Variants in SNX29 observed in about 807,000 individuals in gnomAD.
SNX29 encodes sorting nexin 29.
Under a neutral mutation model 102.1 loss-of-function variants are expected in SNX29, and 78 were observed. The ratio of observed to expected loss-of-function variants is 0.76; its 90% CI spans 0.64 to 0.92. SNX29 has a LOEUF of 0.92. Ranked by LOEUF, SNX29 falls within the 40% of genes least tolerant of loss-of-function variation. The pLI is 0.00. For synonymous variants in SNX29, 580 were observed against 414.5 expected (o/e 1.40, Z -4.85); for missense variants, 1,280 against 1,061.7 (o/e 1.21, Z -2.86).
intron 10 of SNX29, among the ~76,000 whole-genome samples, chr16:12,077,885 T>A (rs2051658761): frequency 6.6e-6 from 1 of 152,200 alleles, no homozygotes; most frequent in Admixed American, 6.5e-5. Context: ...CCTCCCAAAG[T>A]ATTGCGATTA....
rs755934938 is a variant in SNX29, at chr16:12,069,045, C to G, written c.1244-12C>G. On this transcript the variant is annotated splice_polypyrimidine_tract_variant and intron_variant, in intron 9 of 20. Transcript: ENST00000566228. ...AAAGTGACCTCTTTCTGTGATTGCTCTCTCTGCACAGATGCCCCCCTCGGA... is the reference window on the plus strand; with the variant it reads ...AAAGTGACCTCTTTCTGTGATTGCTGTCTCTGCACAGATGCCCCCCTCGGA... 3 of 1,613,290 alleles carry G rather than the reference C, an allele frequency of 1.9e-6. No homozygotes were observed. The highest frequency in any genetic ancestry group is 2.2e-5 in the East Asian group (1 of 44,872).
chr16:12,125,611 T>C (rs1483915017), intron 11 of SNX29, among the ~76,000 whole-genome samples: 1 of 32,684 alleles, frequency 3.1e-5, no homozygotes, highest in Non-Finnish European at 4.7e-5. Context: ...CTCTCTTTTT[T>C]TTTTTTTTTT....
intron 19 of SNX29, among the ~76,000 whole-genome samples, chr16:12,488,647 C>A (rs2088376851): frequency 6.6e-6 from 1 of 152,192 alleles, no homozygotes; most frequent in Non-Finnish European, 1.5e-5. Context: ...TCCTATGTCC[C>A]TTCACTTCCA....
At chr16:12,510,564 T>C (rs931737559) in intron 19 of SNX29, among the ~76,000 whole-genome samples, 5 of 151,994 alleles carry the variant, frequency 3.3e-5, no homozygotes, top group African/African-American at 1.2e-4. Flanking sequence ...TCCCAGCTAC[T>C]TGGGAGGTTG....
intron 13 of SNX29, among the ~76,000 whole-genome samples, chr16:12,156,212 C>T (rs1431866242): frequency 2.0e-5 from 3 of 152,136 alleles, no homozygotes; most frequent in Admixed American, 1.3e-4. Flanking sequence ...CTTGCTCTGT[C>T]GCCCAGGCTG....
At position 12,570,085 on chromosome 16, in the gene SNX29, G is replaced by C. The variant is rs892844129; in HGVS notation, c.*1456G>C. On this transcript the variant is annotated 3_prime_UTR_variant, in exon 21 of 21. Transcript: ENST00000566228. Reference sequence around the variant, plus strand: ...GAGAATCATCTGGAAGGTTTATACTGTGCCTTCCCCTCGTAGCAAAAAGGA... The same window carrying C: ...GAGAATCATCTGGAAGGTTTATACTCTGCCTTCCCCTCGTAGCAAAAAGGA... 1.7e-5 allele frequency: 14 copies of C among 810,526 alleles called. No individual in the cohort carries two copies. Among genetic ancestry groups the C allele is most frequent in the Non-Finnish European group, 2.2e-5 (14 of 647,342 alleles). 50.2% of individuals were successfully genotyped at this position (810,526 alleles called of 1,614,324 possible).
At chr16:12,057,332 G>C (rs1004184077) in intron 8 of SNX29, among the ~76,000 whole-genome samples, 1 of 152,164 alleles carries the variant, frequency 6.6e-6, no homozygotes, top group African/African-American at 2.4e-5. Context: ...GAAAGATCTT[G>C]CTGTCAGTGA....
chr16:12,400,738 A>G (rs986759295), intron 17 of SNX29, among the ~76,000 whole-genome samples: 17 of 152,238 alleles, frequency 1.1e-4, no homozygotes, highest in African/African-American at 3.1e-4. Context: ...AAGCTTCAGA[A>G]CATGTGATGT....
At chr16:12,204,272 C>T (rs1032853113) in intron 14 of SNX29, among the ~76,000 whole-genome samples, 1 of 152,206 alleles carries the variant, frequency 6.6e-6, no homozygotes, top group Non-Finnish European at 1.5e-5. Context: ...CCAGCCTCCC[C>T]TGCTCCTGTT....
intron 15 of SNX29, among the ~76,000 whole-genome samples, chr16:12,313,805 T>C (rs2080643325): frequency 6.6e-6 from 1 of 152,202 alleles, no homozygotes; most frequent in Non-Finnish European, 1.5e-5. Flanking sequence ...ATCAGTAAAT[T>C]AGAGCCAATC....
chr16:12,071,007 T>A (rs1405246758), intron 10 of SNX29, among the ~76,000 whole-genome samples: 1 of 152,014 alleles, frequency 6.6e-6, no homozygotes, highest in Non-Finnish European at 1.5e-5. Context: ...TTTGCCCACT[T>A]TTTGATGGGG....
intron 17 of SNX29, among the ~76,000 whole-genome samples, chr16:12,398,884 T>G (rs1411090381): frequency 6.6e-6 from 1 of 152,198 alleles, no homozygotes; most frequent in Non-Finnish European, 1.5e-5. Context: ...TGACCACAGT[T>G]CCCGCTCTTT....
intron 1 of SNX29, among the ~76,000 whole-genome samples, chr16:11,995,730 A>C (rs557874169): frequency 2.0e-5 from 3 of 152,046 alleles, no homozygotes; most frequent in African/African-American, 4.8e-5. Flanking sequence ...CAGGTGTGAA[A>C]GGAGCCGGCA....
intron 20 of SNX29, among the ~76,000 whole-genome samples, chr16:12,533,402 G>C (rs2076983936): frequency 6.6e-6 from 1 of 152,102 alleles, no homozygotes; most frequent in Non-Finnish European, 1.5e-5. Context: ...CCCCTTTTGT[G>C]ATGTGTTGAT....
chr16:12,332,217 G>A (rs1311434387), intron 15 of SNX29, among the ~76,000 whole-genome samples: 1 of 152,160 alleles, frequency 6.6e-6, no homozygotes, highest in Non-Finnish European at 1.5e-5. Flanking sequence ...AGCCAGGTGT[G>A]CGTGCGGTGT....
chr16:12,195,169 G>C (rs910018287), intron 13 of SNX29, among the ~76,000 whole-genome samples: 6 of 152,156 alleles, frequency 3.9e-5, no homozygotes, highest in African/African-American at 1.2e-4. Flanking sequence ...ATATGTGTGT[G>C]TGTGTATATA....
intron 3 of SNX29, among the ~76,000 whole-genome samples, chr16:12,014,080 T>C (rs952853355): frequency 6.6e-6 from 1 of 152,088 alleles, no homozygotes; most frequent in Non-Finnish European, 1.5e-5. Flanking sequence ...TCCAGGTGCA[T>C]GCCACTGTGC....
intron 11 of SNX29, among the ~76,000 whole-genome samples, chr16:12,123,708 C>G (rs914440309): frequency 6.6e-6 from 1 of 152,030 alleles, no homozygotes; most frequent in Non-Finnish European, 1.5e-5. Flanking sequence ...GAGCTGCCTT[C>G]AGCCCTGAAT....
chr16:12,531,191 C>T (rs1011827804), intron 20 of SNX29, among the ~76,000 whole-genome samples: 2 of 152,210 alleles, frequency 1.3e-5, no homozygotes, highest in Non-Finnish European at 2.9e-5. Context: ...GTGTGCAGAA[C>T]AGCTGCAAGA....
Sources: allele counts gnomAD v4.1 joint callset (sites outside exome capture counted in the v4.1 genomes callset), GRCh38; gene constraint gnomAD v4.1.1; transcripts MANE v1.5; gene names NCBI Gene and HGNC (gene_info 2026-07-23, HGNC 2026-07-21).